Variants in DNAH7 observed in about 807,000 individuals in gnomAD.
DNAH7 encodes axonemal beta dynein heavy chain 7.
Under a neutral mutation model 444.6 loss-of-function variants are expected in DNAH7, and 397 were observed. The ratio of observed to expected loss-of-function variants is 0.89; its 90% CI spans 0.82 to 0.97. The LOEUF is 0.97. DNAH7 is among the 50% of genes least tolerant of loss of function. The pLI is 0.00. For synonymous variants in DNAH7, 1,636 were observed against 1,624.4 expected, an observed-to-expected ratio of 1.01 and a Z score of -0.17; for missense variants, 4,902 against 4,800.8, an observed-to-expected ratio of 1.02 and a Z score of -0.62.
chr2:195,927,529 T>A (rs6434806), intron 21 of DNAH7, among the ~76,000 whole-genome samples: 10,824 of 148,788 alleles, frequency 0.073, 434 homozygotes, highest in African/African-American at 0.11. Context: ...ATAAATAAAT[T>A]AATTAATTAA....
chr2:195,758,495 C>T (rs1574384821), intron 61 of DNAH7, among the ~76,000 whole-genome samples: 1 of 152,016 alleles, frequency 6.6e-6, no homozygotes, highest in Admixed American at 6.5e-5. Flanking sequence ...GCAAGATGGC[C>T]AATAGAAGCC....
chr2:195,902,323 T>C (rs1042282848), intron 27 of DNAH7: 3 of 152,110 alleles, frequency 2.0e-5, no homozygotes, highest in Non-Finnish European at 4.4e-5. Flanking sequence ...GTTTAAAAAA[T>C]ATAATTTGAG....
Position 195,873,692 on chromosome 2 carries a change from C to T in DNAH7, c.6289G>A (p.Gly2097Ser). The T allele has an allele frequency of 6.6e-7, 1 of 1,525,050 alleles. No homozygotes were observed. The highest frequency in any genetic ancestry group is 1.4e-5 in the African/African-American group (1 of 69,506). The allele number at this position is 1,525,050 out of a possible 1,614,324, so 94.5% of individuals were successfully genotyped here. The change falls in exon 39 of 65, where the codon GGT (glycine) becomes AGT (serine). Residue 2097 changes from glycine to serine, a missense_variant and splice_region_variant. By Grantham distance (56) the Gly-to-Ser change is moderately conservative. Coordinates refer to ENST00000312428, the MANE Select transcript of DNAH7 (RefSeq NM_018897.3). ...QIMCAMGPPG[G>S]GRNPVTPRYM... ...CGAGGAGTTACTGGATTTCGACCAC[C>T]ACCTAAATATTAAAAAGTATAACTC...
Position 195,864,879 on chromosome 2 carries a change from A to G in DNAH7, c.6776T>C (p.Met2259Thr). 4 of 1,614,026 alleles carry G rather than the reference A, an allele frequency of 2.5e-6. No individual in the cohort carries two copies. The highest frequency in any genetic ancestry group is 1.3e-5 in the African/African-American group (1 of 75,048). The change falls in exon 41 of 65, where the codon ATG becomes ACG. Residue 2259 changes from methionine (M) to threonine (T), a missense_variant. Met to Thr is a moderately conservative substitution (Grantham distance 81). Coordinates refer to ENST00000312428, the MANE Select transcript of DNAH7 (RefSeq NM_018897.3). ...GCTGCGTAAGTCATCTGCTTCCACC[A>G]TGCCATCATTATCAAAATCCAAACG... ...FQRLDFDNDG[M>T]VEADDLRSLM...
At chr2:195,822,409 A>G (rs972606427) in intron 49 of DNAH7, among the ~76,000 whole-genome samples, 14 of 152,232 alleles carry the variant, frequency 9.2e-5, no homozygotes, top group African/African-American at 3.4e-4. Flanking sequence ...ACATTTAAGA[A>G]CATAAACTAT....
chr2:196,040,848 A>G (rs192226166), intron 5 of DNAH7, among the ~76,000 whole-genome samples: 1 of 152,248 alleles, frequency 6.6e-6, no homozygotes, highest in African/African-American at 2.4e-5. Context: ...AAATTGTTAG[A>G]ACTGATAAAT....
chr2:195,846,261 C>A (rs1195374911), intron 46 of DNAH7, among the ~76,000 whole-genome samples: 1 of 152,160 alleles, frequency 6.6e-6, no homozygotes, highest in Non-Finnish European at 1.5e-5. Context: ...TGAAAAAATG[C>A]TCAACATCGC....
intron 57 of DNAH7, among the ~76,000 whole-genome samples, chr2:195,790,850 TTAAAC>T (rs1169627517): frequency 6.6e-6 from 1 of 152,168 alleles, no homozygotes; most frequent in African/African-American, 2.4e-5. Flanking sequence ...TGAGACCTAA[TTAAAC>T]TAAAGAGCTT....
chr2:195,958,121 A>C (rs1402394502), intron 18 of DNAH7, among the ~76,000 whole-genome samples: 1 of 151,986 alleles, frequency 6.6e-6, no homozygotes, highest in African/African-American at 2.4e-5. Flanking sequence ...GATTTTTTTC[A>C]ATAAAGGTTA....
Position 195,873,607 on chromosome 2 carries a change from G to A in DNAH7, c.6374C>T (p.Thr2125Ile). ...CCAAGTTAAGATTCTAGAGAAGATTGTATACATGGATTTATCACTAAACTC... is the reference window on the plus strand; with the variant it reads ...CCAAGTTAAGATTCTAGAGAAGATTATATACATGGATTTATCACTAAACTC... Reference protein sequence around the residue: ...INEFSDKSMYTIFSRILTWHL... With the variant: ...INEFSDKSMYIIFSRILTWHL... Residue 2125 changes from threonine to isoleucine, a missense_variant, in exon 39 of 65, where the codon ACA (threonine) becomes ATA (isoleucine). By Grantham distance (89) the Thr-to-Ile change is moderately conservative (BLOSUM62 -1). Coordinates refer to ENST00000312428, the MANE Select transcript of DNAH7 (RefSeq NM_018897.3). 1 of 1,481,040 alleles carries A rather than the reference G, an allele frequency of 6.8e-7. No individual in the cohort carries two copies. Among genetic ancestry groups the A allele is most frequent in the Non-Finnish European group, 9.0e-7 (1 of 1,108,030 alleles). 91.7% of individuals were successfully genotyped at this position (1,481,040 alleles called of 1,614,324 possible). A position where few individuals can be genotyped will look rare whatever the true frequency, so the allele number is the denominator to read the frequency against.
chr2:196,006,563 G>GAA (rs3052599), intron 10 of DNAH7, among the ~76,000 whole-genome samples: 5 of 134,634 alleles, frequency 3.7e-5, no homozygotes, highest in South Asian at 2.4e-4. Context: ...CTAAGGAAAG[G>GAA]AAAAAAAAAA....
At chr2:195,924,175 T>C (rs1382416078) in intron 22 of DNAH7, among the ~76,000 whole-genome samples, 1 of 152,108 alleles carries the variant, frequency 6.6e-6, no homozygotes, top group Non-Finnish European at 1.5e-5. Flanking sequence ...GCTATATAGA[T>C]TGAGAGAAAA....
chr2:195,960,954 A>G lies in DNAH7; in HGVS notation c.2206-9T>C, dbSNP rs77729592. ...GCATTAAACTGCTCAATCTGAAAGG[A>G]TAAGTATTGAATATATTAGTTATTT... On this transcript the variant is annotated splice_polypyrimidine_tract_variant and intron_variant, in intron 17 of 64. Transcript: ENST00000312428. 0.014 allele frequency: 21,026 copies of G among 1,555,646 alleles called. 1,805 individuals carry two copies. The East Asian group carries it at 0.25, about 19-fold the overall frequency.
chr2:195,941,281 A>G lies in DNAH7; in HGVS notation c.3079-4489T>C, dbSNP rs191875817. Among the ~76,000 whole-genome samples the G allele has an allele frequency of 1.2e-3, 177 of 152,188 alleles. 1 individual carries two copies. The highest frequency in any genetic ancestry group is 1.9e-3 in the Non-Finnish European group (132 of 68,012). Reference sequence around the variant, plus strand: ...CAAACTAACACAGGAACAGAAAACCAAACACTGCATGTTCTCACTCATAAA... The same window carrying G: ...CAAACTAACACAGGAACAGAAAACCGAACACTGCATGTTCTCACTCATAAA... On this transcript the variant is annotated intron_variant, in intron 19 of 64. Coordinates refer to ENST00000312428, the MANE Select transcript of DNAH7 (RefSeq NM_018897.3).
intron 15 of DNAH7, among the ~76,000 whole-genome samples, chr2:195,978,915 G>T (rs868804725): frequency 6.6e-6 from 1 of 152,020 alleles, no homozygotes; most frequent in Admixed American, 6.6e-5. Flanking sequence ...GGAGCACCAG[G>T]TATATTAAGC....
At chr2:195,854,446 T>A (rs1022379590) in intron 45 of DNAH7, among the ~76,000 whole-genome samples, 1 of 152,236 alleles carries the variant, frequency 6.6e-6, no homozygotes, top group South Asian at 2.1e-4. Context: ...TGTATAATTC[T>A]GTATCAATTT....
chr2:195,929,088 C>T (rs1181587930), intron 21 of DNAH7, among the ~76,000 whole-genome samples: 2 of 152,032 alleles, frequency 1.3e-5, no homozygotes, highest in African/African-American at 2.4e-5. Context: ...AATGTTCAAG[C>T]TGAGAGCCAA....
rs1295095270 is a variant in DNAH7 at position 195,972,427 on chromosome 2, G to C, written c.1873C>G (p.Leu625Val). 1.2e-6 allele frequency: 2 copies of C among 1,613,972 alleles called. No homozygotes were observed. Among genetic ancestry groups the C allele is most frequent in the Non-Finnish European group, 1.7e-6 (2 of 1,180,000 alleles). ...TTGGAATCCACTAATCTCTGTTCTA[G>C]TTCAATCATATCAGTTACCTCCACT... is the stretch of plus-strand genomic sequence containing the variant. ...QKVEVTDMIE[L>V]EQRLVDSKNC... Residue 625 changes from leucine to valine, a missense_variant, in exon 16 of 65, where the codon CTA becomes GTA. Leu to Val is a conservative substitution (Grantham distance 32). Transcript: ENST00000312428.
At chr2:195,738,278 T>C in intron 64 of DNAH7, 151 bp from the exon 65 acceptor site, 1 of 647,088 alleles carries the variant, frequency 1.5e-6, no homozygotes, top group South Asian at 2.1e-5. Flanking sequence ...TTGTGATTGC[T>C]CAAAACATTT....
Sources: allele counts gnomAD v4.1 joint callset (sites outside exome capture counted in the v4.1 genomes callset), GRCh38; gene constraint gnomAD v4.1.1; transcripts MANE v1.5; gene names NCBI Gene and HGNC (gene_info 2026-07-23, HGNC 2026-07-21).